The following NUP210 variants were observed in gnomAD, a reference collection of about 807,000 sequenced individuals.
The protein encoded by NUP210 is nuclear pore membrane glycoprotein 210.
A neutral mutation model predicts 196.0 loss-of-function variants in NUP210; 151 were observed. The observed-to-expected ratio is 0.77, with a 90% CI of 0.67 to 0.88. NUP210 has a LOEUF of 0.88. Among genes scored for constraint, NUP210 ranks in the 40% least tolerant of loss-of-function variants. The pLI is 0.00. For missense variants in NUP210, 2,314 were observed against 2,493.7 expected (o/e 0.93, Z 1.53); for synonymous variants, 1,070 against 1,052.7 (o/e 1.02, Z -0.32).
At chr3:13,346,603 T>G (rs1357489346) in intron 20 of NUP210, among the ~76,000 whole-genome samples, 1 of 152,188 alleles carries the variant, frequency 6.6e-6, no homozygotes, top group Non-Finnish European at 1.5e-5. Context: ...GGGCTGAAAC[T>G]GTCAAATACC....
At chr3:13,360,142 G>T (rs770055269) in intron 15 of NUP210, 128 bp downstream of exon 15, 45 of 800,324 alleles carry the variant, frequency 5.6e-5, no homozygotes, top group Non-Finnish European at 8.9e-5. Flanking sequence ...TTGCCTGTCT[G>T]TAAAATGGGT....
In NUP210 at chr3:13,377,561, C is replaced by T; in HGVS notation, c.1047G>A (p.Gly349=). ...TIYVVEPGYL[G]FTVHPGDRWV... Reference sequence around the variant, plus strand: ...ACCTGTCACCAGGGTGAACAGTGAACCCTAAAACAGGCAGAGGGAGCCTGA... The same window carrying T: ...ACCTGTCACCAGGGTGAACAGTGAATCCTAAAACAGGCAGAGGGAGCCTGA... Residue 349 remains glycine, a splice_region_variant and synonymous_variant, in exon 9 of 40, where the codon GGG becomes GGA. Transcript: ENST00000254508. 1 of 1,612,814 alleles carries T rather than the reference C, an allele frequency of 6.2e-7. No homozygotes were observed. Among genetic ancestry groups the T allele is most frequent in the Non-Finnish European group, 8.5e-7 (1 of 1,179,062 alleles).
At chr3:13,320,682 G>A (rs1482164755) in intron 36 of NUP210, among the ~76,000 whole-genome samples, 2 of 143,066 alleles carry the variant, frequency 1.4e-5, no homozygotes, top group African/African-American at 2.6e-5. Flanking sequence ...CAGATCACAA[G>A]GTCAGGAGAT....
chr3:13,399,715 C>A lies in NUP210; in HGVS notation c.304+10G>T, dbSNP rs372489491. On this transcript the variant is annotated intron_variant, in intron 2 of 39. Coordinates refer to ENST00000254508, the MANE Select transcript of NUP210 (RefSeq NM_024923.4). ...CCCACCGGGGATCACACACAGCACT[C>A]AGCCCTTACTGATGTCCTCTGCGAA... is the stretch of plus-strand genomic sequence containing the variant. 7.4e-6 allele frequency: 12 copies of A among 1,614,002 alleles called. No individual in the cohort carries two copies. The African/African-American group carries it at 9.3e-5, about 13-fold the overall frequency.
At chr3:13,400,537 G>A (rs1304836281) in intron 1 of NUP210, among the ~76,000 whole-genome samples, 7 of 152,182 alleles carry the variant, frequency 4.6e-5, no homozygotes, top group African/African-American at 9.7e-5. Flanking sequence ...TGCTGTCAGC[G>A]CCTCAGTTTC....
At position 13,325,819 on chromosome 3, in the gene NUP210, A is replaced by C; in HGVS notation, c.4620T>G (p.Ala1540=). ...VGSVTVYYEV[A]GHLRTYKEVV... ...CCTCCTTGTAGGTCCTCAGGTGCCC[A>C]GCGACCTCATAGTAAACCGTCACGG... The change falls in exon 33 of 40, where the codon GCT becomes GCG. Residue 1540 remains alanine, a synonymous_variant. Coordinates refer to ENST00000254508, the MANE Select transcript of NUP210 (RefSeq NM_024923.4). The C allele has an allele frequency of 6.2e-7, 1 of 1,613,904 alleles. No individual in the cohort carries two copies. Among genetic ancestry groups the C allele is most frequent in the Non-Finnish European group, 8.5e-7 (1 of 1,180,020 alleles).
intron 3 of NUP210, among the ~76,000 whole-genome samples, chr3:13,392,272 A>G (rs568265236): frequency 6.6e-6 from 1 of 152,234 alleles, no homozygotes; most frequent in Non-Finnish European, 1.5e-5. Flanking sequence ...AGTGCCTAGC[A>G]GAAGCTCCAG....
intron 2 of NUP210, among the ~76,000 whole-genome samples, chr3:13,398,031 G>A (rs1018888636): frequency 6.6e-6 from 1 of 152,230 alleles, no homozygotes; most frequent in Non-Finnish European, 1.5e-5. Flanking sequence ...AAGGATAGCA[G>A]CAAGAGATAC....
Position 13,348,291 on chromosome 3 carries a change from G to T in NUP210, c.2835+3588C>A. On this transcript the variant is annotated intron_variant, in intron 20 of 39. Transcript: ENST00000254508. The surrounding 1 kb of genome is among the most constrained non-coding windows in gnomAD (Gnocchi z 4.0). ...GCTCAAATGCCTCCAGAGACAGGGA[G>T]CTCACTACCTACAGCGGCAGCCTAG... 1 of 714,924 alleles carries T rather than the reference G, an allele frequency of 1.4e-6. No individual in the cohort carries two copies. The highest frequency in any genetic ancestry group is 1.7e-6 in the Non-Finnish European group (1 of 583,088). The allele number at this position is 714,924 out of a possible 1,614,324, so 44.3% of individuals were successfully genotyped here. A position where few individuals can be genotyped will look rare whatever the true frequency, so the allele number is the denominator to read the frequency against.
At chr3:13,403,226 G>GT (rs1342070890) in intron 1 of NUP210, among the ~76,000 whole-genome samples, 2 of 152,188 alleles carry the variant, frequency 1.3e-5, no homozygotes, top group South Asian at 2.1e-4. Context: ...CACAAACAGG[G>GT]TTTTTCCAAC....
chr3:13,375,518 G>C lies in NUP210; in HGVS notation c.1417C>G (p.Gln473Glu). ...GTCTCACGTACCCTTATTGTGTACT[G>C]ATAGGCGCCCGTCTTTGGTTGCCAC... Reference protein sequence around the residue: ...FPWQPKTGAYQYTIRAHGGSG... With the variant: ...FPWQPKTGAYEYTIRAHGGSG... Residue 473 changes from glutamine (Q) to glutamate (E), a missense_variant, in exon 11 of 40, where the codon CAG (glutamine) becomes GAG (glutamate). Gln to Glu is a conservative substitution (Grantham distance 29). Coordinates refer to ENST00000254508, the MANE Select transcript of NUP210 (RefSeq NM_024923.4). The C allele has an allele frequency of 1.2e-6, 2 of 1,614,086 alleles. No homozygotes were observed. The highest frequency in any genetic ancestry group is 2.7e-5 in the African/African-American group (2 of 75,048).
chr3:13,379,027 G>C lies in NUP210; in HGVS notation c.977-47C>G. The C allele has an allele frequency of 6.6e-7, 1 of 1,515,954 alleles. No homozygotes were observed. The highest frequency in any genetic ancestry group is 1.1e-5 in the South Asian group (1 of 89,122). 93.9% of individuals were successfully genotyped at this position (1,515,954 alleles called of 1,614,324 possible). A position where few individuals can be genotyped will look rare whatever the true frequency, so the allele number is the denominator to read the frequency against. ...AAGACATATGACAGCAAATAAACCA[G>C]CTGGCTGGCCAGTTTCAGCTTGGCT... On this transcript the variant is annotated intron_variant, in intron 7 of 39. Coordinates refer to ENST00000254508, the MANE Select transcript of NUP210 (RefSeq NM_024923.4). The surrounding 1 kb of genome is among the most constrained non-coding windows in gnomAD (Gnocchi z 4.2).
At chr3:13,403,800 C>T (rs535797958) in intron 1 of NUP210, among the ~76,000 whole-genome samples, 65 of 152,296 alleles carry the variant, frequency 4.3e-4, no homozygotes, top group Non-Finnish European at 7.8e-4. Context: ...GAAGGCTTGC[C>T]TCAGCCATCT....
chr3:13,358,090 T>G, intron 16 of NUP210, 132 bp downstream of exon 16: 1 of 753,768 alleles, frequency 1.3e-6, no homozygotes, highest in Non-Finnish European at 2.1e-6. Context: ...ACAGGGCCAG[T>G]TGTTGAGACG....
intron 12 of NUP210, 94 bp from the exon 13 acceptor site, chr3:13,372,126 A>T: frequency 8.6e-7 from 1 of 1,158,750 alleles, no homozygotes; most frequent in South Asian, 1.6e-5. Flanking sequence ...TGTGCTGAGC[A>T]CTGAGGATAC....
rs749649984 is a variant in NUP210 at position 13,420,064 on chromosome 3, G to T, written c.163C>A (p.Arg55Ser). The change falls in exon 1 of 40, where the codon CGC (arginine) becomes AGC (serine). Residue 55 changes from arginine (R) to serine (S), a missense_variant. By Grantham distance (110) the Arg-to-Ser change is moderately radical. Coordinates refer to ENST00000254508, the MANE Select transcript of NUP210 (RefSeq NM_024923.4). This position sits in a 1 kb window ranked among gnomAD's most constrained non-coding sequence, Gnocchi z 4.8. The part of the protein sequence containing the change: ...FTLEASEGCY[R>S]WLSTRPEVAS... ...CGGCCCGGCCGCGCGCCTCACCAGC[G>T]GTAGCAGCCCTCCGAGGCCTCCAGC... 48 of 1,328,974 alleles carry T rather than the reference G, an allele frequency of 3.6e-5. No homozygotes were observed. The South Asian group carries it at 7.1e-4, about 20-fold the overall frequency. The allele number at this position is 1,328,974 out of a possible 1,614,324, so 82.3% of individuals were successfully genotyped here.
At chr3:13,367,589 T>C (rs1698584268) in intron 13 of NUP210, among the ~76,000 whole-genome samples, 1 of 152,170 alleles carries the variant, frequency 6.6e-6, no homozygotes, top group Non-Finnish European at 1.5e-5. Context: ...GTATTTGGCC[T>C]TTCCCTAAAG....
At chr3:13,352,214 CAGG>C in intron 18 of NUP210, 30 bp from the exon 19 acceptor site, 1 of 1,541,630 alleles carries the variant, frequency 6.5e-7, no homozygotes, top group Non-Finnish European at 9.0e-7. Context: ...CCATTAGATC[CAGG>C]AGGACATGAT....
chr3:13,341,785 G>C lies in NUP210; in HGVS notation c.3191C>G (p.Ala1064Gly), dbSNP rs767862745. 1.2e-6 allele frequency: 2 copies of C among 1,614,134 alleles called. No homozygotes were observed. Among genetic ancestry groups the C allele is most frequent in the South Asian group, 2.2e-5 (2 of 91,096 alleles). Residue 1064 changes from alanine (A) to glycine (G), a missense_variant, in exon 23 of 40, where the codon GCT becomes GGT. By Grantham distance (60) the Ala-to-Gly change is moderately conservative. Coordinates refer to ENST00000254508, the MANE Select transcript of NUP210 (RefSeq NM_024923.4). ...TSLTASVTNKAGQRINSAPQQ... is the reference protein window; with the variant it reads ...TSLTASVTNKGGQRINSAPQQ... The stretch of plus-strand genomic sequence containing the variant: ...TGGGGCTGAGTTGATTCTCTGTCCA[G>C]CTTTATTGGTCACACTTGCAGTTAG...
Sources: allele counts gnomAD v4.1 joint callset (sites outside exome capture counted in the v4.1 genomes callset), GRCh38; gene constraint gnomAD v4.1.1; non-coding constraint Gnocchi (gnomAD v3.1); transcripts MANE v1.5; gene names NCBI Gene and HGNC (gene_info 2026-07-23, HGNC 2026-07-21).